Variants in NDST4 observed in about 807,000 individuals in gnomAD.
NDST4 encodes the protein N-heparan sulfate sulfotransferase 4.
In NDST4, 63 loss-of-function variants were observed where a neutral mutation model predicts 100.8. The observed-to-expected ratio is 0.62, with a 90% CI of 0.51 to 0.77. NDST4 has a LOEUF of 0.77. Ranked by LOEUF, NDST4 falls within the 30% of genes least tolerant of loss-of-function variation. NDST4 has a pLI of 0.00. For synonymous variants in NDST4, 377 were observed against 361.8 expected (o/e 1.04, Z -0.48); for missense variants, 943 against 1,018.4 (o/e 0.93, Z 1.01).
At chr4:114,992,887 G>A (rs1727072492) in intron 2 of NDST4, among the ~76,000 whole-genome samples, 1 of 151,684 alleles carries the variant, frequency 6.6e-6, no homozygotes. Context: ...CCTGGGTATA[G>A]GTGGCATCAA....
intron 4 of NDST4, among the ~76,000 whole-genome samples, chr4:114,948,580 T>C (rs1345229934): frequency 6.6e-6 from 1 of 152,120 alleles, no homozygotes. Flanking sequence ...ATATTTTCAT[T>C]TTGTTATCCT....
rs908813702 is a variant in NDST4 at position 115,078,493 on chromosome 4, G to A, written c.-246-1211C>T. On this transcript the variant is annotated intron_variant, in intron 1 of 13. Coordinates refer to ENST00000264363, the MANE Select transcript of NDST4 (RefSeq NM_022569.3). Reference sequence around the variant, plus strand: ...AGGTCATTTTTTGTTATGCCTTAGCGAACAACTATGCTACATTGTGCCCCT... The same window carrying A: ...AGGTCATTTTTTGTTATGCCTTAGCAAACAACTATGCTACATTGTGCCCCT... Among the ~76,000 whole-genome samples the A allele has an allele frequency of 7.2e-5, 11 of 152,204 alleles. 1 individual carries two copies. Among genetic ancestry groups the A allele is most frequent in the South Asian group, 4.1e-4 (2 of 4,820 alleles).
At chr4:114,858,217 G>C (rs56219096) in intron 7 of NDST4, among the ~76,000 whole-genome samples, 3,487 of 152,228 alleles carry the variant, frequency 0.023, 123 homozygotes, top group African/African-American at 0.078. Flanking sequence ...GTGAAACATT[G>C]ATTATATTGG....
chr4:114,897,894 A>G (rs1253878461), intron 6 of NDST4, among the ~76,000 whole-genome samples: 1 of 152,168 alleles, frequency 6.6e-6, no homozygotes, highest in Non-Finnish European at 1.5e-5. Flanking sequence ...TCTTCAGCCA[A>G]TTTTTAAAAT....
At chr4:114,924,573 A>C (rs1725352036) in intron 6 of NDST4, among the ~76,000 whole-genome samples, 1 of 152,094 alleles carries the variant, frequency 6.6e-6, no homozygotes, top group South Asian at 2.1e-4. Context: ...CTCAGCTCTA[A>C]GCCCCAGAGC....
chr4:114,915,155 C>T (rs1164289639), intron 6 of NDST4, among the ~76,000 whole-genome samples: 1 of 152,090 alleles, frequency 6.6e-6, no homozygotes, highest in Non-Finnish European at 1.5e-5. Flanking sequence ...TTCTTACCAA[C>T]CTCACCCTGT....
At chr4:114,916,536 CTGTGTGTGTGTGTGTGTGTG>C (rs537961796) in intron 6 of NDST4, among the ~76,000 whole-genome samples, 18 of 129,050 alleles carry the variant, frequency 1.4e-4, no homozygotes, top group African/African-American at 4.4e-4. Flanking sequence ...CTGGTAGGCT[CTGTGTGTGTGTGTGTGTGTG>C]TGTGTGTGTG....
At chr4:115,106,645 T>C (rs1300327466) in intron 1 of NDST4, among the ~76,000 whole-genome samples, 1 of 152,154 alleles carries the variant, frequency 6.6e-6, no homozygotes, top group Admixed American at 6.6e-5. Flanking sequence ...ACATGTTTAG[T>C]ACAGAAACAA....
At chr4:115,108,607 AT>A (rs1463882483) in intron 1 of NDST4, among the ~76,000 whole-genome samples, 1 of 151,926 alleles carries the variant, frequency 6.6e-6, no homozygotes, top group Non-Finnish European at 1.5e-5. Flanking sequence ...CATCTGCTAT[AT>A]GGAAAAGATG....
intron 6 of NDST4, among the ~76,000 whole-genome samples, chr4:114,924,500 G>T (rs1327457519): frequency 6.6e-6 from 1 of 150,822 alleles, no homozygotes; most frequent in Non-Finnish European, 1.5e-5. Flanking sequence ...AGTGGAAATA[G>T]AATTTTCCAC....
intron 11 of NDST4, among the ~76,000 whole-genome samples, chr4:114,838,016 A>T (rs1723339638): frequency 6.6e-6 from 1 of 152,236 alleles, no homozygotes; most frequent in Non-Finnish European, 1.5e-5. Flanking sequence ...AAAGTATATG[A>T]ACAGACACTT....
At chr4:114,855,409 T>C (rs1333974915) in intron 7 of NDST4, among the ~76,000 whole-genome samples, 1 of 152,192 alleles carries the variant, frequency 6.6e-6, no homozygotes, top group African/African-American at 2.4e-5. Context: ...TAGTTTGAGG[T>C]CTTAGTTTTA....
intron 6 of NDST4, among the ~76,000 whole-genome samples, chr4:114,884,654 G>A (rs528276178): frequency 6.6e-6 from 1 of 152,162 alleles, no homozygotes; most frequent in South Asian, 2.1e-4. Flanking sequence ...TTCTTATAAT[G>A]TTGGCTTGAA....
At chr4:114,840,354 C>T (rs1723399774) in intron 10 of NDST4, among the ~76,000 whole-genome samples, 2 of 151,904 alleles carry the variant, frequency 1.3e-5, no homozygotes. Flanking sequence ...CTTTCCAGAA[C>T]AAAGATCTGA....
At chr4:115,027,693 A>G (rs1317319083) in intron 2 of NDST4, among the ~76,000 whole-genome samples, 2 of 152,188 alleles carry the variant, frequency 1.3e-5, no homozygotes, top group African/African-American at 4.8e-5. Context: ...ATCCTGTTGG[A>G]AACTTAAATT....
At chr4:114,975,073 C>A (rs764542695) in intron 3 of NDST4, among the ~76,000 whole-genome samples, 1 of 152,056 alleles carries the variant, frequency 6.6e-6, no homozygotes, top group Non-Finnish European at 1.5e-5. Context: ...AATGTGAAAT[C>A]TCCGTATAGA....
chr4:115,068,197 T>C (rs1728993309), intron 2 of NDST4, among the ~76,000 whole-genome samples: 1 of 152,202 alleles, frequency 6.6e-6, no homozygotes, highest in East Asian at 1.9e-4. Context: ...GTACAATATA[T>C]TACTTTTTCA....
At chr4:114,945,429 G>A (rs1392555452) in intron 4 of NDST4, among the ~76,000 whole-genome samples, 1 of 152,048 alleles carries the variant, frequency 6.6e-6, no homozygotes, top group Non-Finnish European at 1.5e-5. Context: ...TGTAAAACCA[G>A]CCCACAATAT....
chr4:114,931,362 C>T (rs991130115), intron 6 of NDST4, among the ~76,000 whole-genome samples: 2 of 150,684 alleles, frequency 1.3e-5, no homozygotes, highest in South Asian at 2.1e-4. Flanking sequence ...TGTGAAATAG[C>T]TCTAAGAGGG....
Sources: gnomAD v4.1 joint callset for allele counts (sites outside exome capture counted in the v4.1 genomes callset) on GRCh38, gnomAD v4.1.1 for gene constraint, MANE v1.5 for transcripts, NCBI Gene and HGNC (gene_info 2026-07-23, HGNC 2026-07-21) for gene names.